Variants in AGBL1 observed in about 807,000 individuals in gnomAD.
The protein encoded by AGBL1 is cytosolic carboxypeptidase 4.
AGBL1 carries 130 observed loss-of-function variants against 118.9 expected under a neutral mutation model. The observed-to-expected ratio is 1.09, with a 90% CI of 0.95 to 1.26. AGBL1 has a LOEUF of 1.26. AGBL1 is among the 50% of genes most tolerant of loss of function. The pLI is 0.00. For missense variants in AGBL1, 1,584 were observed against 1,298.1 expected (o/e 1.22, Z -3.38); for synonymous variants, 555 against 478.9 (o/e 1.16, Z -2.08).
At chr15:86,770,825 A>C (rs750685740) in intron 22 of AGBL1, among the ~76,000 whole-genome samples, 9 of 152,040 alleles carry the variant, frequency 5.9e-5, no homozygotes, top group Admixed American at 3.3e-4. Context: ...ATTACACAGA[A>C]TAATAACAAC....
chr15:86,900,207 C>T (rs2141578776), intron 22 of AGBL1, among the ~76,000 whole-genome samples: 1 of 152,246 alleles, frequency 6.6e-6, no homozygotes, highest in African/African-American at 2.4e-5. Context: ...GGCTCCTCAG[C>T]TTGTGGATGG....
chr15:86,377,707 C>T (rs183211518), intron 17 of AGBL1, among the ~76,000 whole-genome samples: 125 of 152,202 alleles, frequency 8.2e-4, no homozygotes, highest in African/African-American at 2.6e-3. Flanking sequence ...AGGTTAGGGC[C>T]GCCCTCGTCC....
chr15:86,165,821 G>A (rs772711297), intron 5 of AGBL1, among the ~76,000 whole-genome samples: 12 of 152,106 alleles, frequency 7.9e-5, no homozygotes, highest in Non-Finnish European at 1.0e-4. Flanking sequence ...CCTCACAAGC[G>A]CTGATATTGG....
intron 22 of AGBL1, among the ~76,000 whole-genome samples, chr15:86,862,287 C>T (rs770904969): frequency 4.6e-5 from 7 of 152,146 alleles, no homozygotes; most frequent in Non-Finnish European, 7.3e-5. Context: ...AAATCTACAA[C>T]ACAACAAAAC....
intron 6 of AGBL1, among the ~76,000 whole-genome samples, chr15:86,235,162 G>A (rs943340120): frequency 6.6e-6 from 1 of 152,180 alleles, no homozygotes; most frequent in African/African-American, 2.4e-5. Flanking sequence ...TAGACTATGT[G>A]AGCCTCGGAT....
intron 21 of AGBL1, among the ~76,000 whole-genome samples, chr15:86,654,358 A>C (rs1194342941): frequency 6.6e-6 from 1 of 152,026 alleles, no homozygotes; most frequent in Non-Finnish European, 1.5e-5. Flanking sequence ...GAAGCTTCCA[A>C]TTTTTACATA....
intron 22 of AGBL1, among the ~76,000 whole-genome samples, chr15:86,746,260 T>G (rs2077754849): frequency 6.6e-6 from 1 of 152,114 alleles, no homozygotes. Context: ...AAATGGTTGT[T>G]TCTTGTTCTG....
In AGBL1 at chr15:86,151,502, A is replaced by G. The variant is rs371760041; in HGVS notation, c.263-2928A>G. Among the ~76,000 whole-genome samples the G allele has an allele frequency of 5.3e-5, 8 of 152,204 alleles. No homozygotes were observed. The East Asian group carries it at 9.7e-4, about 18-fold the overall frequency. ...CCTTCATGCTAAAAACTCTCAATAA[A>G]CTAGGTATTGATGGAACATATCTCA... On this transcript the variant is annotated intron_variant, in intron 3 of 22. Coordinates refer to ENST00000614907, the MANE Select transcript of AGBL1 (RefSeq NM_001386094.1).
chr15:86,594,384 G>A (rs541428370), intron 21 of AGBL1, among the ~76,000 whole-genome samples: 22 of 152,224 alleles, frequency 1.4e-4, no homozygotes, highest in Non-Finnish European at 2.1e-4. Context: ...TCTTTGTCAG[G>A]TTGTGCTCAC....
chr15:86,888,213 G>GC (rs1430926520), intron 22 of AGBL1, among the ~76,000 whole-genome samples: 1 of 151,988 alleles, frequency 6.6e-6, no homozygotes, highest in African/African-American at 2.4e-5. Context: ...GGCAACCTCA[G>GC]CACCATTCAT....
intron 1 of AGBL1, among the ~76,000 whole-genome samples, chr15:86,103,288 A>G (rs562516181): frequency 6.6e-6 from 1 of 152,176 alleles, no homozygotes; most frequent in Non-Finnish European, 1.5e-5. Flanking sequence ...TGTACATTTG[A>G]AAAATCACTG....
chr15:86,989,387 A>T (rs1056473172), intron 24 of AGBL1, among the ~76,000 whole-genome samples: 11 of 152,154 alleles, frequency 7.2e-5, no homozygotes. Context: ...TTAGGTTAGT[A>T]GAGTTTTCTT....
chr15:86,546,921 C>A (rs561200844), intron 20 of AGBL1, among the ~76,000 whole-genome samples: 5 of 152,242 alleles, frequency 3.3e-5, no homozygotes, highest in Middle Eastern at 3.4e-3. Flanking sequence ...TCTGCCTCTA[C>A]TGTTATTCTG....
At chr15:86,472,559 A>T (rs1169412500) in intron 18 of AGBL1, among the ~76,000 whole-genome samples, 6 of 152,222 alleles carry the variant, frequency 3.9e-5, no homozygotes, top group Non-Finnish European at 8.8e-5. Flanking sequence ...ATGTTCTTTA[A>T]TCTGACTATA....
intron 17 of AGBL1, among the ~76,000 whole-genome samples, chr15:86,348,759 C>T (rs1222698993): frequency 7.3e-6 from 1 of 137,594 alleles, no homozygotes; most frequent in Non-Finnish European, 1.5e-5. Context: ...GCCTGGGTGA[C>T]AGAGCGCGAC....
At chr15:86,438,657 CTTTTTTT>C (rs35937855) in intron 18 of AGBL1, among the ~76,000 whole-genome samples, 3 of 131,610 alleles carry the variant, frequency 2.3e-5, no homozygotes, top group Non-Finnish European at 3.2e-5. Flanking sequence ...TAATCTGTCT[CTTTTTTT>C]TTTTTTTTTT....
At chr15:86,249,607 A>C (rs765607048) in intron 7 of AGBL1, among the ~76,000 whole-genome samples, 3 of 152,126 alleles carry the variant, frequency 2.0e-5, no homozygotes, top group Non-Finnish European at 2.9e-5. Flanking sequence ...TGGTTGCCCA[A>C]GTCTCTAATC....
In AGBL1 at chr15:86,468,732, G is replaced by A. The variant is rs775865855; in HGVS notation, c.2556-54078G>A. ...TCATCACCAAGGAATAATGAGTAGAGTTTGTAAATTCTTTCGCTAATAATT... is the reference window on the plus strand; with the variant it reads ...TCATCACCAAGGAATAATGAGTAGAATTTGTAAATTCTTTCGCTAATAATT... On this transcript the variant is annotated intron_variant, in intron 18 of 22. Coordinates refer to ENST00000614907, the MANE Select transcript of AGBL1 (RefSeq NM_001386094.1). Among the ~76,000 whole-genome samples the A allele has an allele frequency of 3.3e-5, 5 of 152,160 alleles. No individual in the cohort carries two copies. The East Asian group carries it at 7.7e-4, about 23-fold the overall frequency.
At chr15:86,244,136 A>G (rs1388680428) in intron 6 of AGBL1, among the ~76,000 whole-genome samples, 2 of 151,864 alleles carry the variant, frequency 1.3e-5, no homozygotes, top group African/African-American at 4.8e-5. Flanking sequence ...CTTAAAAAAA[A>G]TTAAGCAACA....
Sources: allele counts gnomAD v4.1 joint callset (sites outside exome capture counted in the v4.1 genomes callset), GRCh38; gene constraint gnomAD v4.1.1; transcripts MANE v1.5; gene names NCBI Gene and HGNC (gene_info 2026-07-23, HGNC 2026-07-21).